The following REST variants were observed in gnomAD, a reference collection of about 807,000 sequenced individuals.
REST encodes the protein RE1 silencing transcription factor.
In REST, 1 loss-of-function variant was observed where a neutral mutation model predicts 30.4. That is an observed-to-expected ratio of 0.03 (90% confidence interval 0.01 to 0.16). The LOEUF is 0.16. Among genes scored for constraint, REST ranks in the 10% least tolerant of loss-of-function variants. REST has a pLI of 1.00. For missense variants in REST, 1,259 were observed against 1,329.5 expected, an observed-to-expected ratio of 0.95 and a Z score of 0.82; for synonymous variants, 504 against 451.1, an observed-to-expected ratio of 1.12 and a Z score of -1.49.
intron 2 of REST, among the ~76,000 whole-genome samples, chr4:56,918,877 C>T (rs1425656693): frequency 2.6e-5 from 4 of 151,924 alleles, no homozygotes; most frequent in Non-Finnish European, 4.4e-5. Flanking sequence ...TGCTATGTTG[C>T]CCAGGCTAGT....
At chr4:56,920,160 A>G (rs966258066) in intron 3 of REST, among the ~76,000 whole-genome samples, 2 of 151,942 alleles carry the variant, frequency 1.3e-5, no homozygotes, top group African/African-American at 4.8e-5. Flanking sequence ...ACTAATGTAG[A>G]CCAAGACTGA....
chr4:56,931,168 G>C lies in REST; in HGVS notation c.2310G>C (p.Glu770Asp). 6.2e-7 allele frequency: 1 copy of C among 1,613,788 alleles called. No individual in the cohort carries two copies. Among genetic ancestry groups the C allele is most frequent in the Non-Finnish European group, 8.5e-7 (1 of 1,179,712 alleles). The stretch of plus-strand genomic sequence containing the variant: ...AGATAGAGCTGTCTCCTCCCATAGA[G>C]GTGGTCCAGAAGGAGCCTGTTCAGA... ...PVKIELSPPI[E>D]VVQKEPVQME... The change falls in exon 4 of 4, where the codon GAG becomes GAC. Residue 770 changes from glutamate (E) to aspartate (D), a missense_variant. Glu to Asp is a conservative substitution (Grantham distance 45, BLOSUM62 2). Around this residue, in one of 5 missense-constraint regions of REST, gnomAD observed 856 missense variants for 772.8 expected, o/e 1.11. Coordinates refer to ENST00000309042, the MANE Select transcript of REST (RefSeq NM_005612.5).
In REST at chr4:56,910,993, G is replaced by T. The variant is rs1298973547; in HGVS notation, c.355G>T (p.Val119Leu). The T allele has an allele frequency of 1.9e-6, 3 of 1,614,184 alleles. No individual in the cohort carries two copies. The highest frequency in any genetic ancestry group is 1.1e-5 in the South Asian group (1 of 91,084). The change falls in exon 2 of 4, where the codon GTA becomes TTA. Residue 119 changes from valine to leucine, a missense_variant. Around this residue, in one of 5 missense-constraint regions of REST, gnomAD observed 249 missense variants for 251.5 expected, o/e 0.99. Coordinates refer to ENST00000309042, the MANE Select transcript of REST (RefSeq NM_005612.5). ...MELRSLELSV[V>L]EPQPVFEASG... is the part of the protein sequence containing the mutation. ...ACTGAGAAGTTTGGAACTCAGCGTC[G>T]TAGAACCTCAGCCTGTATTTGAGGC...
intron 2 of REST, among the ~76,000 whole-genome samples, chr4:56,914,870 A>G (rs1233840632): frequency 1.4e-5 from 2 of 139,264 alleles, no homozygotes; most frequent in Non-Finnish European, 3.1e-5. Flanking sequence ...ATTTGGTCTT[A>G]ATGCTTATTT....
chr4:56,925,870 C>T (rs1359645540), intron 3 of REST, among the ~76,000 whole-genome samples: 1 of 152,174 alleles, frequency 6.6e-6, no homozygotes, highest in Non-Finnish European at 1.5e-5. Context: ...TTCACCATTC[C>T]TTAGGTGGAC....
intron 2 of REST, among the ~76,000 whole-genome samples, chr4:56,917,798 T>C (rs569373164): frequency 1.3e-5 from 2 of 151,794 alleles, no homozygotes; most frequent in African/African-American, 4.8e-5. Flanking sequence ...ATGCCTGTAA[T>C]CCCAGCACTT....
At chr4:56,915,302 A>G (rs1036567401) in intron 2 of REST, among the ~76,000 whole-genome samples, 5 of 136,902 alleles carry the variant, frequency 3.7e-5, no homozygotes, top group African/African-American at 1.4e-4. Context: ...CTGGAGTGCA[A>G]TGGCGTGATC....
chr4:56,915,929 A>G (rs1720174752), intron 2 of REST, among the ~76,000 whole-genome samples: 2 of 152,214 alleles, frequency 1.3e-5, no homozygotes, highest in African/African-American at 4.8e-5. Context: ...GATGTTCCCA[A>G]GGTCATATAC....
At chr4:56,914,679 A>G (rs909442843) in intron 2 of REST, among the ~76,000 whole-genome samples, 9 of 152,118 alleles carry the variant, frequency 5.9e-5, no homozygotes, top group African/African-American at 2.2e-4. Flanking sequence ...CACCATATTC[A>G]TTTAGCTGGG....
chr4:56,930,718 G>T lies in REST; in HGVS notation c.1860G>T (p.Ala620=), dbSNP rs376567179. 49 of 1,601,282 alleles carry T rather than the reference G, an allele frequency of 3.1e-5. 1 individual carries two copies. In the South Asian group the frequency reaches 4.7e-4, roughly 15 times the overall value. ...AGATGGGGCCTGCTCCCACAGAGGC[G>T]GTTCAGAAGGGGCCCGTTCAGGTGG... ...PPQMGPAPTE[A]VQKGPVQVEP... is the part of the protein sequence containing the mutation. Residue 620 remains alanine, a synonymous_variant, in exon 4 of 4, where the codon GCG becomes GCT. Transcript: ENST00000309042.
At chr4:56,908,651 G>T (rs1719736689) in intron 1 of REST, among the ~76,000 whole-genome samples, 1 of 152,074 alleles carries the variant, frequency 6.6e-6, no homozygotes, top group Admixed American at 6.5e-5. Flanking sequence ...CCTCCCCCAG[G>T]GCCTCTCCCT....
intron 3 of REST, among the ~76,000 whole-genome samples, chr4:56,929,119 G>C (rs1720847525): frequency 6.6e-6 from 1 of 150,494 alleles, no homozygotes; most frequent in Non-Finnish European, 1.5e-5. Context: ...CTAGGCTGGA[G>C]TGAAGTAGTG....
In REST at chr4:56,935,186, G is replaced by A. The variant is rs1721106515; in HGVS notation, c.*3034G>A. The A allele has an allele frequency of 2.0e-5, 3 of 152,128 alleles. 1 individual carries two copies. The highest frequency in any genetic ancestry group is 4.4e-5 in the Non-Finnish European group (3 of 68,018). The allele number at this position is 152,128 out of a possible 1,614,324, so 9.4% of individuals were successfully genotyped here. On this transcript the variant is annotated 3_prime_UTR_variant, in exon 4 of 4. Transcript: ENST00000309042. Reference sequence around the variant, plus strand: ...AAAACCCAAGTAGACCTCATTGCATGTCACCCTATGAATGTTGACAATGGA... The same window carrying A: ...AAAACCCAAGTAGACCTCATTGCATATCACCCTATGAATGTTGACAATGGA...
chr4:56,908,514 C>T (rs1457812333), intron 1 of REST, among the ~76,000 whole-genome samples: 2 of 151,942 alleles, frequency 1.3e-5, no homozygotes, highest in Non-Finnish European at 2.9e-5. Context: ...GACGCTCCAC[C>T]GAGTCAGGTC....
intron 3 of REST, 24 bp downstream of exon 3, chr4:56,919,894 C>T (rs1436979473): frequency 7.6e-7 from 1 of 1,313,428 alleles, no homozygotes; most frequent in Non-Finnish European, 1.1e-6. Context: ...TGGAACTTTT[C>T]TATCATTTTC....
At chr4:56,918,344 A>G (rs1002248503) in intron 2 of REST, among the ~76,000 whole-genome samples, 3 of 148,538 alleles carry the variant, frequency 2.0e-5, no homozygotes, top group Admixed American at 2.0e-4. Flanking sequence ...AAAAAAAAAA[A>G]TTAGCTGGGC....
At chr4:56,926,539 G>C (rs1300167757) in intron 3 of REST, among the ~76,000 whole-genome samples, 2 of 151,760 alleles carry the variant, frequency 1.3e-5, no homozygotes, top group Non-Finnish European at 2.9e-5. Flanking sequence ...ACCACGCCTA[G>C]CTAATTTTTT....
At chr4:56,924,720 A>G (rs1336588695) in intron 3 of REST, among the ~76,000 whole-genome samples, 1 of 151,476 alleles carries the variant, frequency 6.6e-6, no homozygotes, top group African/African-American at 2.4e-5. Context: ...GCCTCACCCT[A>G]CCAAAGTGCT....
Position 56,930,737 on chromosome 4 carries a change from C to G in REST, c.1879C>G (p.Gln627Glu), listed in dbSNP as rs778973582. 4 of 1,601,276 alleles carry G rather than the reference C, an allele frequency of 2.5e-6. No individual in the cohort carries two copies. The East Asian group carries it at 8.9e-5, about 36-fold the overall frequency. Residue 627 changes from glutamine (Q) to glutamate (E), a missense_variant, in exon 4 of 4, where the codon CAG (glutamine) becomes GAG (glutamate). Gln to Glu is a conservative substitution (Grantham distance 29). Transcript: ENST00000309042. ...PTEAVQKGPVQVEPPPPMEHA... is the reference protein window; with the variant it reads ...PTEAVQKGPVEVEPPPPMEHA... ...AGAGGCGGTTCAGAAGGGGCCCGTTCAGGTGGAGCCGCCACCTCCCATGGA... is the reference window on the plus strand; with the variant it reads ...AGAGGCGGTTCAGAAGGGGCCCGTTGAGGTGGAGCCGCCACCTCCCATGGA...
Sources: gnomAD v4.1 joint callset for allele counts (sites outside exome capture counted in the v4.1 genomes callset) on GRCh38, gnomAD v4.1.1 for gene constraint, gnomAD v4.1.1 regional missense constraint, MANE v1.5 for transcripts, NCBI Gene and HGNC (gene_info 2026-07-23, HGNC 2026-07-21) for gene names.